SASH1: variants seen among roughly 807,000 people sequenced by gnomAD.
SASH1 encodes SAM and SH3 domain-containing protein 1.
Under a neutral mutation model 125.2 loss-of-function variants are expected in SASH1, and 44 were observed. The observed-to-expected ratio is 0.35, with a 90% CI of 0.28 to 0.45. The LOEUF (loss-of-function observed/expected upper bound fraction) is 0.45, where lower values mean the gene tolerates loss of function less well. Among genes scored for constraint, SASH1 ranks in the 20% least tolerant of loss-of-function variants. SASH1 has a pLI of 1.00. For missense variants in SASH1, 1,426 were observed against 1,614.5 expected, an observed-to-expected ratio of 0.88 and a Z score of 2.00; for synonymous variants, 639 against 649.1, an observed-to-expected ratio of 0.98 and a Z score of 0.24.
At chr6:148,339,004 TAAA>T (rs760321688), upstream of SASH1, among the ~76,000 whole-genome samples, 2 of 88,192 alleles carry the variant, frequency 2.3e-5, no homozygotes, top group African/African-American at 4.4e-5. Flanking sequence ...ACTCTGTCTT[TAAA>T]AAAAAAAAAA....
chr6:148,210,970 T>C, the SASH1 span, among the ~76,000 whole-genome samples: 1 of 152,136 alleles, frequency 6.6e-6, no homozygotes, highest in Non-Finnish European at 1.5e-5. Flanking sequence ...CATTGTTGAG[T>C]GGAAGAGCTT....
intron 2 of SASH1, among the ~76,000 whole-genome samples, chr6:148,415,980 C>T (rs1052281941): frequency 4.6e-5 from 7 of 152,116 alleles, no homozygotes; most frequent in Non-Finnish European, 1.0e-4. Flanking sequence ...TAGTGTGGGG[C>T]GGTAAAGGAG....
intron 1 of SASH1, among the ~76,000 whole-genome samples, chr6:148,278,185 G>A (rs1779241079): frequency 1.3e-5 from 2 of 152,062 alleles, no homozygotes; most frequent in South Asian, 2.1e-4. Flanking sequence ...ATAGGCATCC[G>A]CCACCATGCC....
the SASH1 span, among the ~76,000 whole-genome samples, chr6:148,245,760 G>T: frequency 6.6e-6 from 1 of 152,024 alleles, no homozygotes; most frequent in East Asian, 1.9e-4. Context: ...GGCCAAGGCG[G>T]GTGGATCACG....
chr6:148,533,697 G>GTATC lies in SASH1; in HGVS notation c.1735-72_1735-69dup. On this transcript the variant is annotated intron_variant, in intron 14 of 19. Transcript: ENST00000367467. This position sits in a 1 kb window ranked among gnomAD's most constrained non-coding sequence, Gnocchi z 6.2. ...GCATCTTCACTTCTGCATGACCTGT[G>GTATC]TATCTGACAGATTCTTGATTTGTAC... is the stretch of plus-strand genomic sequence containing the variant. The GTATC allele has an allele frequency of 7.2e-7, 1 of 1,387,726 alleles. No individual in the cohort carries two copies. Among genetic ancestry groups the GTATC allele is most frequent in the Non-Finnish European group, 1.0e-6 (1 of 994,582 alleles). The allele number at this position is 1,387,726 out of a possible 1,614,324, so 86.0% of individuals were successfully genotyped here.
chr6:148,374,604 ACAAAG>A (rs1416698788), intron 1 of SASH1, among the ~76,000 whole-genome samples: 2 of 152,148 alleles, frequency 1.3e-5, no homozygotes, highest in Non-Finnish European at 2.9e-5. Context: ...AGAATGTGAC[ACAAAG>A]CAAATAATCT....
chr6:148,318,770 C>T (rs1780551385), intron 1 of SASH1, among the ~76,000 whole-genome samples: 1 of 151,986 alleles, frequency 6.6e-6, no homozygotes, highest in Non-Finnish European at 1.5e-5. Context: ...CCAGGATGGT[C>T]TCGATCTCTT....
At chr6:148,486,399 G>A (rs562411950) in intron 7 of SASH1, among the ~76,000 whole-genome samples, 5 of 152,314 alleles carry the variant, frequency 3.3e-5, no homozygotes, top group Admixed American at 6.5e-5. Context: ...GGGATTACAG[G>A]TGTGAGCTAC....
intron 4 of SASH1, among the ~76,000 whole-genome samples, chr6:148,451,346 G>A (rs554268130): frequency 2.0e-5 from 3 of 152,246 alleles, no homozygotes; most frequent in East Asian, 1.9e-4. Context: ...AAGTGCTTTC[G>A]GCTTGTAAAT....
chr6:148,353,435 A>ATTTT (rs377513066), intron 1 of SASH1, among the ~76,000 whole-genome samples: 2,793 of 108,694 alleles, frequency 0.026, 52 homozygotes, highest in Non-Finnish European at 0.038. Context: ...TTTAAGATTG[A>ATTTT]TTTTTTTTTT....
At chr6:148,209,060 A>C in the SASH1 span, among the ~76,000 whole-genome samples, 1 of 152,214 alleles carries the variant, frequency 6.6e-6, no homozygotes, top group Non-Finnish European at 1.5e-5. Context: ...TTTCGCCCCA[A>C]AGCAAAAACC....
intron 4 of SASH1, among the ~76,000 whole-genome samples, chr6:148,441,584 G>T (rs1396107071): frequency 1.3e-5 from 2 of 152,168 alleles, no homozygotes; most frequent in Non-Finnish European, 2.9e-5. Context: ...TGAACTTGGA[G>T]GTATTGTGGT....
intron 1 of SASH1, among the ~76,000 whole-genome samples, chr6:148,357,962 C>T (rs897198500): frequency 6.8e-6 from 1 of 147,706 alleles, no homozygotes; most frequent in Non-Finnish European, 1.5e-5. Context: ...CGGGAGGGTG[C>T]GACAGGAGAA....
chr6:148,311,941 TG>T (rs1350105817), intron 1 of SASH1, among the ~76,000 whole-genome samples: 1 of 152,230 alleles, frequency 6.6e-6, no homozygotes, highest in East Asian at 1.9e-4. Context: ...ATCCCCACAG[TG>T]GAATACGGCT....
At chr6:148,226,650 G>A in the SASH1 span, among the ~76,000 whole-genome samples, 1 of 152,152 alleles carries the variant, frequency 6.6e-6, no homozygotes, top group Admixed American at 6.6e-5. Context: ...TCTTTCTTCT[G>A]TGCCTTCGAG....
At chr6:148,517,831 A>T (rs1047120756) in intron 9 of SASH1, among the ~76,000 whole-genome samples, 2 of 152,232 alleles carry the variant, frequency 1.3e-5, no homozygotes, top group Non-Finnish European at 2.9e-5. Context: ...GCAACTGCTG[A>T]GTGACAGATC....
intron 4 of SASH1, among the ~76,000 whole-genome samples, chr6:148,466,489 G>T (rs1777842888): frequency 6.6e-6 from 1 of 152,118 alleles, no homozygotes; most frequent in Non-Finnish European, 1.5e-5. Flanking sequence ...CCTCTCTCTG[G>T]TCACCTTAGA....
At chr6:148,253,325 G>A in the SASH1 span, among the ~76,000 whole-genome samples, 11 of 152,148 alleles carry the variant, frequency 7.2e-5, no homozygotes, top group Non-Finnish European at 1.3e-4. Flanking sequence ...ACTGGGAAAT[G>A]AGTAGTCTTT....
At chr6:148,390,660 T>C (rs9498031) in intron 2 of SASH1, among the ~76,000 whole-genome samples, 41,694 of 151,470 alleles carry the variant, frequency 0.28, 5,710 homozygotes, top group South Asian at 0.4. Flanking sequence ...TGGTGATGGG[T>C]GCCTGTAGTC....
Sources: allele counts gnomAD v4.1 joint callset (sites outside exome capture counted in the v4.1 genomes callset), GRCh38; gene constraint gnomAD v4.1.1; non-coding constraint Gnocchi (gnomAD v3.1); transcripts MANE v1.5; gene names NCBI Gene and HGNC (gene_info 2026-07-23, HGNC 2026-07-21).